MCM9: variants seen among roughly 807,000 people sequenced by gnomAD.
MCM9 encodes DNA helicase MCM9.
A neutral mutation model predicts 72.8 loss-of-function variants in MCM9; 55 were observed. The ratio of observed to expected loss-of-function variants is 0.76; its 90% CI spans 0.61 to 0.95. The LOEUF (loss-of-function observed/expected upper bound fraction) is 0.95, where lower values mean the gene tolerates loss of function less well. MCM9 is among the 40% of genes least tolerant of loss of function. The probability of loss-of-function intolerance (pLI) is 0.00; values close to 1 mark genes in which losing one functional copy is unlikely to be tolerated. For synonymous variants in MCM9, 480 were observed against 503.4 expected (o/e 0.95, Z 0.62); for missense variants, 1,279 against 1,377.0 (o/e 0.93, Z 1.13).
intron 8 of MCM9, among the ~76,000 whole-genome samples, chr6:118,902,386 C>T (rs552976168): frequency 6.6e-6 from 1 of 152,274 alleles, no homozygotes; most frequent in African/African-American, 2.4e-5. Context: ...AAAATTAGAA[C>T]TACATTTTTA....
At chr6:118,841,954 C>A (rs1344256964) in intron 9 of MCM9, among the ~76,000 whole-genome samples, 1 of 151,986 alleles carries the variant, frequency 6.6e-6, no homozygotes, top group East Asian at 1.9e-4. Flanking sequence ...CCTGCCTCAG[C>A]CTCCAGAGTA....
intron 8 of MCM9, among the ~76,000 whole-genome samples, chr6:118,871,817 G>C (rs1223311736): frequency 6.6e-6 from 1 of 152,138 alleles, no homozygotes; most frequent in Admixed American, 6.5e-5. Context: ...TGAGGCAGGA[G>C]AATGGTTTGA....
At position 118,923,651 on chromosome 6, in the gene MCM9, C is replaced by T. The variant is rs559124037; in HGVS notation, c.621+160G>A. 3.9e-5 allele frequency among the ~76,000 whole-genome samples: 6 copies of T among 152,322 alleles called. No individual in the cohort carries two copies. In the East Asian group the frequency reaches 1.2e-3, roughly 29 times the overall value. On this transcript the variant is annotated intron_variant, in intron 4 of 13. Transcript: ENST00000619706. ...AGGATGATTGCATGGTTTCTAAAGA[C>T]TATATTCAGATATATGTGGAACAGT...
chr6:118,889,321 T>C (rs1778800497), intron 8 of MCM9, among the ~76,000 whole-genome samples: 1 of 152,108 alleles, frequency 6.6e-6, no homozygotes, highest in Admixed American at 6.5e-5. Context: ...TCACAAAGCC[T>C]ACATGCCTAG....
chr6:118,907,714 T>A, intron 8 of MCM9: 1 of 926,418 alleles, frequency 1.1e-6, no homozygotes, highest in Non-Finnish European at 1.6e-6. Flanking sequence ...ATGTGAAGAA[T>A]TTGTTTAAAA....
At position 118,924,092 on chromosome 6, in the gene MCM9, T is replaced by C; in HGVS notation, c.340A>G (p.Ile114Val). The C allele has an allele frequency of 6.2e-7, 1 of 1,614,152 alleles. No individual in the cohort carries two copies. Among genetic ancestry groups the C allele is most frequent in the Non-Finnish European group, 8.5e-7 (1 of 1,180,030 alleles). ...TGTCCCACATCCTTGGTTTTAGGTA[T>C]GTGTTCCCTCACCAGCTCAGGACAG... Reference protein sequence around the residue: ...PVCPELVREHIPKTKDVGHFL... With the variant: ...PVCPELVREHVPKTKDVGHFL... Residue 114 changes from isoleucine to valine, a missense_variant, in exon 4 of 14, where the codon ATA (isoleucine) becomes GTA (valine). By Grantham distance (29) the Ile-to-Val change is conservative. Transcript: ENST00000619706.
intron 13 of MCM9, 142 bp from the exon 14 acceptor site, chr6:118,816,436 A>G: frequency 1.7e-6 from 1 of 588,896 alleles, no homozygotes; most frequent in Admixed American, 3.7e-5. Context: ...ACAACCTCCT[A>G]GAGCAGCAGA....
At chr6:118,895,569 T>G (rs897726356) in intron 8 of MCM9, among the ~76,000 whole-genome samples, 1 of 152,118 alleles carries the variant, frequency 6.6e-6, no homozygotes, top group Non-Finnish European at 1.5e-5. Context: ...CAACTCCTCA[T>G]GTCAGTCCAA....
At chr6:118,931,245 T>C (rs549156457) in intron 3 of MCM9, among the ~76,000 whole-genome samples, 175 bp downstream of exon 3, 25 of 152,224 alleles carry the variant, frequency 1.6e-4, no homozygotes, top group Non-Finnish European at 3.2e-4. Context: ...AGACTCATAC[T>C]TCATGCCCAC....
At chr6:118,896,849 T>A (rs916053975) in intron 8 of MCM9, among the ~76,000 whole-genome samples, 2 of 139,082 alleles carry the variant, frequency 1.4e-5, no homozygotes, top group East Asian at 2.2e-4. Flanking sequence ...TTTTTTTTTT[T>A]AAATGAGACA....
At chr6:118,852,420 C>A (rs550831054) in intron 9 of MCM9, among the ~76,000 whole-genome samples, 1 of 152,030 alleles carries the variant, frequency 6.6e-6, no homozygotes, top group African/African-American at 2.4e-5. Flanking sequence ...AAAAAAAAAT[C>A]CAATCTAAAG....
At chr6:118,884,432 A>G (rs1253434277) in intron 8 of MCM9, among the ~76,000 whole-genome samples, 1 of 152,148 alleles carries the variant, frequency 6.6e-6, no homozygotes, top group Non-Finnish European at 1.5e-5. Flanking sequence ...AAATAGAGAA[A>G]AATCATTAAA....
At chr6:118,929,832 G>T (rs996355438) in intron 3 of MCM9, among the ~76,000 whole-genome samples, 4 of 151,996 alleles carry the variant, frequency 2.6e-5, no homozygotes, top group Admixed American at 6.6e-5. Flanking sequence ...GCTGATGGGG[G>T]GGACCCTTTT....
At chr6:118,821,526 T>G (rs1773809164) in intron 13 of MCM9, among the ~76,000 whole-genome samples, 1 of 152,214 alleles carries the variant, frequency 6.6e-6, no homozygotes, top group African/African-American at 2.4e-5. Flanking sequence ...GTAGGTAACC[T>G]GACCTTTCTC....
rs766122361 is a variant in MCM9, at chr6:118,843,688, GTATATATA to G, written c.1325+12675_1325+12682del. Among the ~76,000 whole-genome samples the G allele has an allele frequency of 2.3e-4, 15 of 64,130 alleles. 1 individual carries two copies. The highest frequency in any genetic ancestry group is 6.1e-4 in the Admixed American group (3 of 4,952). 42.1% of individuals were successfully genotyped at this position (64,130 alleles called of 152,430 possible). On this transcript the variant is annotated intron_variant, in intron 9 of 13. Coordinates refer to ENST00000619706, the MANE Select transcript of MCM9 (RefSeq NM_017696.3). ...TATATATGTATGTATATATATATGT[GTATATATA>G]TATATATGTATGTATATATATATGT...
rs1423165692 is a variant in MCM9, at chr6:118,911,171, C to T, written c.1150+479G>A. 10 of 985,266 alleles carry T rather than the reference C, an allele frequency of 1.0e-5. No homozygotes were observed. In the Admixed American group the frequency reaches 5.5e-4, roughly 55 times the overall value. 61.0% of individuals were successfully genotyped at this position (985,266 alleles called of 1,614,324 possible). A position where few individuals can be genotyped will look rare whatever the true frequency, so the allele number is the denominator to read the frequency against. On this transcript the variant is annotated intron_variant, in intron 8 of 13. Transcript: ENST00000619706. ...ATTACAACTTATGAATGAAGCTCCA[C>T]ATTGCAATGATGGAAGTATATTTTC...
intron 8 of MCM9, among the ~76,000 whole-genome samples, chr6:118,873,090 T>G (rs1777708157): frequency 1.3e-5 from 2 of 150,352 alleles, no homozygotes; most frequent in Non-Finnish European, 3.0e-5. Context: ...GAGGACCACT[T>G]GGGCCTGAGA....
intron 8 of MCM9, among the ~76,000 whole-genome samples, chr6:118,898,271 T>C (rs1779570623): frequency 6.6e-6 from 1 of 152,180 alleles, no homozygotes; most frequent in Non-Finnish European, 1.5e-5. Context: ...ATGCCCAGTA[T>C]ATAGTAGGTA....
chr6:118,869,773 T>C (rs148820105), intron 8 of MCM9, among the ~76,000 whole-genome samples: 23 of 152,174 alleles, frequency 1.5e-4, no homozygotes, highest in African/African-American at 5.3e-4. Flanking sequence ...ACTTTAACTT[T>C]AGGACTCTCA....
Sources: gnomAD v4.1 joint callset for allele counts (sites outside exome capture counted in the v4.1 genomes callset) on GRCh38, gnomAD v4.1.1 for gene constraint, MANE v1.5 for transcripts, NCBI Gene and HGNC (gene_info 2026-07-23, HGNC 2026-07-21) for gene names.